The following HMGA1 variants were observed in gnomAD, a reference collection of about 807,000 sequenced individuals.
HMGA1 encodes the protein high mobility group AT-hook 1.
Under a neutral mutation model 15.1 loss-of-function variants are expected in HMGA1, and 1 was observed. That is an observed-to-expected ratio of 0.07 (90% CI 0.02 to 0.31). HMGA1 has a LOEUF of 0.31. HMGA1 is among the 10% of genes least tolerant of loss of function. The probability of loss-of-function intolerance (pLI) is 1.00; values close to 1 mark genes in which losing one functional copy is unlikely to be tolerated. For missense variants in HMGA1, 94 were observed against 141.4 expected (o/e 0.66, Z 1.70); for synonymous variants, 56 against 54.8 (o/e 1.02, Z -0.10).
chr6:34,242,123 TTATTAAAATTTCAGTGGGAA>T (rs1337693753), intron 3 of HMGA1, among the ~76,000 whole-genome samples: 1 of 152,172 alleles, frequency 6.6e-6, no homozygotes, highest in Non-Finnish European at 1.5e-5. Flanking sequence ...TATCTACGGC[TTATTAAAATTTCAGTGGGAA>T]TGATGGCAGG....
chr6:34,240,643 GT>G, intron 2 of HMGA1, 93 bp from the exon 3 acceptor site: 1 of 1,040,068 alleles, frequency 9.6e-7, no homozygotes, highest in Non-Finnish European at 1.5e-6. Context: ...TGGGAGCACA[GT>G]TTTCTGCAGT....
rs1307494316 is a variant in HMGA1, at chr6:34,243,502, G to T, written c.254G>T (p.Gly85Val). ...TTTTPGRKPR[G>V]RPKKLEKEEE... Reference sequence around the variant, plus strand: ...ACAACTCCAGGAAGGAAACCAAGGGGCAGACCCAAAAAACTGGTAGGTGAA... The same window carrying T: ...ACAACTCCAGGAAGGAAACCAAGGGTCAGACCCAAAAAACTGGTAGGTGAA... Residue 85 changes from glycine to valine, a missense_variant, in exon 5 of 6, where the codon GGC (glycine) becomes GTC (valine). By Grantham distance (109) the Gly-to-Val change is moderately radical. Transcript: ENST00000311487. The T allele has an allele frequency of 6.2e-7, 1 of 1,613,808 alleles. No individual in the cohort carries two copies. The highest frequency in any genetic ancestry group is 1.3e-5 in the African/African-American group (1 of 75,006).
Position 34,244,720 on chromosome 6 carries a change from T to C in HMGA1, c.271-111T>C, listed in dbSNP as rs1762589063. On this transcript the variant is annotated intron_variant, in intron 5 of 5. Coordinates refer to ENST00000311487, the MANE Select transcript of HMGA1 (RefSeq NM_145899.3). ...AGTCACCCACACACTCAGCCCTGAC[T>C]CATCCCTCTTCAGGAGAGCCAGGGA... is the stretch of plus-strand genomic sequence containing the variant. 4 of 852,510 alleles carry C rather than the reference T, an allele frequency of 4.7e-6. No homozygotes were observed. The Admixed American group carries it at 8.0e-5, about 17-fold the overall frequency. 52.8% of individuals were successfully genotyped at this position (852,510 alleles called of 1,614,324 possible). A position where few individuals can be genotyped will look rare whatever the true frequency, so the allele number is the denominator to read the frequency against.
Position 34,245,978 on chromosome 6 carries a change from CTT to C in HMGA1, c.*1096_*1097del, listed in dbSNP as rs1054798737. 2.9e-5 allele frequency: 8 copies of C among 275,848 alleles called. No homozygotes were observed. Among genetic ancestry groups the C allele is most frequent in the African/African-American group, 6.6e-5 (3 of 45,196 alleles). The allele number at this position is 275,848 out of a possible 1,614,324, so 17.1% of individuals were successfully genotyped here. A position where few individuals can be genotyped will look rare whatever the true frequency, so the allele number is the denominator to read the frequency against. On this transcript the variant is annotated 3_prime_UTR_variant, in exon 6 of 6. Coordinates refer to ENST00000311487, the MANE Select transcript of HMGA1 (RefSeq NM_145899.3). ...CCACGATCCCCTCCCCCAAGATACT[CTT>C]TGTGGGGAAGAGGGGCTGGGGCATG...
intron 5 of HMGA1, among the ~76,000 whole-genome samples, chr6:34,244,007 C>G (rs148694411): frequency 2.8e-4 from 42 of 152,146 alleles, no homozygotes; most frequent in Non-Finnish European, 5.0e-4. Flanking sequence ...TTCTGGGTCC[C>G]CAAACAGCTG....
intron 4 of HMGA1, 74 bp from the exon 5 acceptor site, chr6:34,243,394 C>T: frequency 1.7e-6 from 2 of 1,170,580 alleles, no homozygotes; most frequent in Admixed American, 1.8e-5. Flanking sequence ...AGGTCTGCCC[C>T]CCATCACTAT....
chr6:34,244,659 C>T (rs1412728869), intron 5 of HMGA1, among the ~76,000 whole-genome samples, 172 bp from the exon 6 acceptor site: 1 of 152,050 alleles, frequency 6.6e-6, no homozygotes, highest in African/African-American at 2.4e-5. Context: ...CTTTTAAATT[C>T]TTTTTATGAA....
intron 4 of HMGA1, among the ~76,000 whole-genome samples, chr6:34,243,019 G>A (rs1450934713): frequency 6.6e-6 from 1 of 152,046 alleles, no homozygotes; most frequent in Admixed American, 6.6e-5. Flanking sequence ...AGGACACTGC[G>A]GAGATCAGGT....
Position 34,240,717 on chromosome 6 carries a change from A to C in HMGA1, c.-44-20A>C. 6.3e-7 allele frequency: 1 copy of C among 1,596,212 alleles called. No individual in the cohort carries two copies. Among genetic ancestry groups the C allele is most frequent in the Non-Finnish European group, 8.6e-7 (1 of 1,166,534 alleles). ...GGCTGAAGCGAGATGTTTGTCTAAA[A>C]GCACTTTTCTGTCTCCCAGCATCCC... On this transcript the variant is annotated intron_variant, in intron 2 of 5. Coordinates refer to ENST00000311487, the MANE Select transcript of HMGA1 (RefSeq NM_145899.3).
rs1383656772 is a variant in HMGA1 at position 34,245,250 on chromosome 6, G to A, written c.*366G>A. ...CATTGCTCTCTGGGCTTTTGGTTTG[G>A]GGGCGCCCTCTCTGCTCCTTCACTG... On this transcript the variant is annotated 3_prime_UTR_variant, in exon 6 of 6. Transcript: ENST00000311487. 7.2e-7 allele frequency: 1 copy of A among 1,379,980 alleles called. No homozygotes were observed. The highest frequency in any genetic ancestry group is 2.2e-5 in the Admixed American group (1 of 46,238). 85.5% of individuals were successfully genotyped at this position (1,379,980 alleles called of 1,614,324 possible).
chr6:34,242,549 C>T (rs1762390084), intron 3 of HMGA1, among the ~76,000 whole-genome samples, 163 bp from the exon 4 acceptor site: 1 of 152,170 alleles, frequency 6.6e-6, no homozygotes, highest in Non-Finnish European at 1.5e-5. Flanking sequence ...TGCAAAGATG[C>T]TCAAACTGGA....
chr6:34,245,092 A>G lies in HMGA1; in HGVS notation c.*208A>G. On this transcript the variant is annotated 3_prime_UTR_variant, in exon 6 of 6. Coordinates refer to ENST00000311487, the MANE Select transcript of HMGA1 (RefSeq NM_145899.3). ...GGCTCCCATGGGCTGAGTGGGGAGC[A>G]GTTTTCCCCTGGCCTCAGTTCCCAG... 1 of 1,521,050 alleles carries G rather than the reference A, an allele frequency of 6.6e-7. No individual in the cohort carries two copies. The highest frequency in any genetic ancestry group is 8.8e-7 in the Non-Finnish European group (1 of 1,134,982). 94.2% of individuals were successfully genotyped at this position (1,521,050 alleles called of 1,614,324 possible). A position where few individuals can be genotyped will look rare whatever the true frequency, so the allele number is the denominator to read the frequency against.
intron 2 of HMGA1, among the ~76,000 whole-genome samples, chr6:34,238,282 C>G (rs952160081): frequency 1.3e-5 from 2 of 152,118 alleles, no homozygotes; most frequent in African/African-American, 4.8e-5. Context: ...CCCCGGGTCC[C>G]GCCGGCCGGC....
In HMGA1 at chr6:34,242,717, G is replaced by A. The variant is rs376384383; in HGVS notation, c.141G>A (p.Glu47=). The change falls in exon 4 of 6, where the codon GAG becomes GAA. Residue 47 remains glutamate, a synonymous_variant. Transcript: ENST00000311487. Reference sequence around the variant, plus strand: ...TACCCCCTCTGTCTTTACAGAAGGAGCCCAGCGAAGTGCCAACACCTAAGA... The same window carrying A: ...TACCCCCTCTGTCTTTACAGAAGGAACCCAGCGAAGTGCCAACACCTAAGA... The part of the protein sequence containing the change: ...PGTALVGSQK[E]PSEVPTPKRP... 1.0e-5 allele frequency: 16 copies of A among 1,578,890 alleles called. No homozygotes were observed. The African/African-American group carries it at 1.9e-4, about 19-fold the overall frequency.
At chr6:34,243,582 A>G (rs1762473159) in intron 5 of HMGA1, 64 bp downstream of exon 5, 27 of 1,293,084 alleles carry the variant, frequency 2.1e-5, no homozygotes. Context: ...TGTTGAGTAC[A>G]CAGTACCTGA....
At chr6:34,241,807 G>A (rs143419296) in intron 3 of HMGA1, among the ~76,000 whole-genome samples, 1 of 152,332 alleles carries the variant, frequency 6.6e-6, no homozygotes, top group Non-Finnish European at 1.5e-5. Flanking sequence ...TTGTTCACCT[G>A]CAGGTTTTCC....
In HMGA1 at chr6:34,241,863, A is replaced by G. The variant is rs1420011933; in HGVS notation, c.136-849A>G. Reference sequence around the variant, plus strand: ...GGTCTGTGCTGACCTGGGCCCAGGGAGACACGAGCTGTGAGGAGTCTGCTG... The same window carrying G: ...GGTCTGTGCTGACCTGGGCCCAGGGGGACACGAGCTGTGAGGAGTCTGCTG... On this transcript the variant is annotated intron_variant, in intron 3 of 5. Coordinates refer to ENST00000311487, the MANE Select transcript of HMGA1 (RefSeq NM_145899.3). 2.0e-5 allele frequency among the ~76,000 whole-genome samples: 3 copies of G among 152,110 alleles called. No homozygotes were observed. In the East Asian group the frequency reaches 5.8e-4, roughly 29 times the overall value.
intron 2 of HMGA1, among the ~76,000 whole-genome samples, chr6:34,237,583 G>A (rs1258483201): frequency 6.8e-6 from 1 of 146,322 alleles, no homozygotes; most frequent in Non-Finnish European, 1.5e-5. Context: ...GGAAAGGCGC[G>A]CGGTGGGGGA....
chr6:34,241,841 C>G (rs1367018317), intron 3 of HMGA1, among the ~76,000 whole-genome samples: 1 of 152,166 alleles, frequency 6.6e-6, no homozygotes, highest in Admixed American at 6.5e-5. Flanking sequence ...GGAGAGTGGT[C>G]TGTGCTGACC....
Sources: allele counts gnomAD v4.1 joint callset (sites outside exome capture counted in the v4.1 genomes callset), GRCh38; gene constraint gnomAD v4.1.1; transcripts MANE v1.5; gene names NCBI Gene and HGNC (gene_info 2026-07-23, HGNC 2026-07-21).